Variants in INF2 observed in about 807,000 individuals in gnomAD.
INF2 encodes inverted formin-2.
In INF2, 43 loss-of-function variants were observed where a neutral mutation model predicts 123.5. That is an observed-to-expected ratio of 0.35 (90% CI 0.27 to 0.45). The LOEUF (loss-of-function observed/expected upper bound fraction) is 0.45. INF2 is among the 20% of genes least tolerant of loss of function. The pLI is 1.00. For missense variants in INF2, 1,453 were observed against 1,682.7 expected, an observed-to-expected ratio of 0.86 and a Z score of 2.39; for synonymous variants, 851 against 745.0, an observed-to-expected ratio of 1.14 and a Z score of -2.32.
Position 104,713,578 on chromosome 14 carries a change from C to T in INF2, c.3012C>T (p.Ser1004=), listed in dbSNP as rs776947258. 6.2e-7 allele frequency: 1 copy of T among 1,612,584 alleles called. No homozygotes were observed. The highest frequency in any genetic ancestry group is 8.5e-7 in the Non-Finnish European group (1 of 1,179,782). Residue 1004 remains serine (S), a synonymous_variant, in exon 20 of 23, where the codon TCC becomes TCT. Coordinates refer to ENST00000392634, the MANE Select transcript of INF2 (RefSeq NM_022489.4). ...CCGACGGGGGCAGCAAGGCAGCCTC[C>T]ATGGATCCCCCAAGAGCCACAGAGC... ...GDTDGGSKAA[S]MDPPRATEPV... is the part of the protein sequence containing the mutation.
At chr14:104,696,689 C>A (rs1042556413) in intron 1 of INF2, among the ~76,000 whole-genome samples, 3 of 152,086 alleles carry the variant, frequency 2.0e-5, no homozygotes, top group Non-Finnish European at 4.4e-5. Flanking sequence ...CGCGTGCAGT[C>A]CTGGAGATCC....
At position 104,721,541 on chromosome 14, in the gene INF2, CCTAA is replaced by C. The variant is rs756509223; in HGVS notation, c.*2751_*2754del. 1.0e-3 allele frequency: 161 copies of C among 153,798 alleles called. No homozygotes were observed. Among genetic ancestry groups the C allele is most frequent in the Non-Finnish European group, 5.7e-4 (39 of 68,992 alleles). 9.5% of individuals were successfully genotyped at this position (153,798 alleles called of 1,614,324 possible). ...TTATGTTTAACTTTTTAAGTAACTG[CCTAA>C]CTGTTTTCCAAAGCAGCTGCACCAT... On this transcript the variant is annotated 3_prime_UTR_variant, in exon 23 of 23. Transcript: ENST00000392634.
rs1205993225 is a variant in INF2 at position 104,711,195 on chromosome 14, T to C, written c.2418+9T>C. On this transcript the variant is annotated intron_variant, in intron 15 of 22. Coordinates refer to ENST00000392634, the MANE Select transcript of INF2 (RefSeq NM_022489.4). ...TGCACCACGTGCTGGAGGTGGGCCG[T>C]GGTGGCGGGGGCATAATGGGAGGGC... is the stretch of plus-strand genomic sequence containing the variant. The C allele has an allele frequency of 6.4e-7, 1 of 1,551,378 alleles. No individual in the cohort carries two copies. The highest frequency in any genetic ancestry group is 1.2e-5 in the South Asian group (1 of 84,316).
rs773186603 is a variant in INF2, at chr14:104,711,202, G to C, written c.2418+16G>C. Reference sequence around the variant, plus strand: ...CGTGCTGGAGGTGGGCCGTGGTGGCGGGGGCATAATGGGAGGGCTTCAAGT... The same window carrying C: ...CGTGCTGGAGGTGGGCCGTGGTGGCCGGGGCATAATGGGAGGGCTTCAAGT... On this transcript the variant is annotated intron_variant, in intron 15 of 22. Transcript: ENST00000392634. 10 of 1,546,288 alleles carry C rather than the reference G, an allele frequency of 6.5e-6. No individual in the cohort carries two copies. Among genetic ancestry groups the C allele is most frequent in the Non-Finnish European group, 8.7e-7 (1 of 1,144,092 alleles).
At chr14:104,715,437 C>A in intron 22 of INF2, 97 bp downstream of exon 22, 1 of 1,163,378 alleles carries the variant, frequency 8.6e-7, no homozygotes, top group Non-Finnish European at 1.3e-6. Flanking sequence ...ACTAACCTGG[C>A]TTCTCTCCAG....
Position 104,711,099 on chromosome 14 carries a change from C to A in INF2, c.2331C>A (p.Ala777=), listed in dbSNP as rs1293312025. Residue 777 remains alanine, a synonymous_variant, in exon 15 of 23, where the codon GCC becomes GCA. Transcript: ENST00000392634. ...FLNYGSHTGD[A]DGFKISTLLK... ...CCCAGGGCAGCCACACCGGTGACGC[C>A]GACGGCTTCAAGATCAGCACATTGC... is the stretch of plus-strand genomic sequence containing the variant. The A allele has an allele frequency of 1.9e-6, 3 of 1,592,544 alleles. No homozygotes were observed. Among genetic ancestry groups the A allele is most frequent in the Middle Eastern group, 3.3e-4 (2 of 6,052 alleles).
chr14:104,707,671 C>A lies in INF2; in HGVS notation c.1404C>A (p.Ala468=). The part of the protein sequence containing the change: ...PPPPPLPGLG[A]MAPPAPPLPP... ...CCCCACCCCTGCCAGGCCTGGGGGC[C>A]ATGGCCCCCCCAGCACCTCCTCTAC... Residue 468 remains alanine (A), a synonymous_variant, in exon 8 of 23, where the codon GCC becomes GCA. Coordinates refer to ENST00000392634, the MANE Select transcript of INF2 (RefSeq NM_022489.4). The A allele has an allele frequency of 1.0e-6, 1 of 990,064 alleles. No homozygotes were observed. The highest frequency in any genetic ancestry group is 1.5e-6 in the Non-Finnish European group (1 of 669,930). 61.3% of individuals were successfully genotyped at this position (990,064 alleles called of 1,614,324 possible).
At chr14:104,706,549 G>C (rs892367299) in intron 6 of INF2, among the ~76,000 whole-genome samples, 1 of 152,178 alleles carries the variant, frequency 6.6e-6, no homozygotes, top group African/African-American at 2.4e-5. Context: ...GGGCTAAGAG[G>C]CTGAATTCTC....
chr14:104,691,644 C>T (rs1023493500), intron 1 of INF2, among the ~76,000 whole-genome samples: 1 of 152,144 alleles, frequency 6.6e-6, no homozygotes, highest in Non-Finnish European at 1.5e-5. Context: ...GAGGGTGGTC[C>T]CCAGGGGCCA....
Position 104,714,796 on chromosome 14 carries a change from G to T in INF2, c.3634G>T (p.Gly1212Cys). 6.3e-7 allele frequency: 1 copy of T among 1,597,722 alleles called. No individual in the cohort carries two copies. Reference protein sequence around the residue: ...SGSGTLPRARGRASKGTGKRR... With the variant: ...SGSGTLPRARCRASKGTGKRR... ...GTCGGGCACACTCCCCAGGGCCCGG[G>T]GCCGGGCCTCAAAGGGGACCGGGAA... is the stretch of plus-strand genomic sequence containing the variant. Residue 1212 changes from glycine (G) to cysteine (C), a missense_variant, in exon 21 of 23, where the codon GGC (glycine) becomes TGC (cysteine). Around this residue, in one of 8 missense-constraint regions of INF2, gnomAD observed 344 missense variants for 333.1 expected, o/e 1.03. Coordinates refer to ENST00000392634, the MANE Select transcript of INF2 (RefSeq NM_022489.4).
At position 104,707,683 on chromosome 14, in the gene INF2, A is replaced by G; in HGVS notation, c.1416A>G (p.Pro472=). The G allele has an allele frequency of 2.8e-6, 1 of 357,496 alleles. No individual in the cohort carries two copies. Among genetic ancestry groups the G allele is most frequent in the Non-Finnish European group, 4.2e-6 (1 of 236,772 alleles). 22.1% of individuals were successfully genotyped at this position (357,496 alleles called of 1,614,324 possible). Reference sequence around the variant, plus strand: ...CAGGCCTGGGGGCCATGGCCCCCCCAGCACCTCCTCTACCACCACCCCTGC... The same window carrying G: ...CAGGCCTGGGGGCCATGGCCCCCCCGGCACCTCCTCTACCACCACCCCTGC... ...PLPGLGAMAP[P]APPLPPPLPG... is the part of the protein sequence containing the mutation. Residue 472 remains proline (P), a synonymous_variant, in exon 8 of 23, where the codon CCA becomes CCG. Transcript: ENST00000392634.
At chr14:104,717,930 A>G (rs202111433) in intron 22 of INF2, among the ~76,000 whole-genome samples, 2 of 151,140 alleles carry the variant, frequency 1.3e-5, no homozygotes, top group Admixed American at 1.3e-4. Flanking sequence ...GTAATCCTTC[A>G]CTGCCACTGC....
upstream of INF2, among the ~76,000 whole-genome samples, chr14:104,685,882 GATGA>G (rs1166525666): frequency 6.4e-5 from 8 of 124,480 alleles, no homozygotes; most frequent in East Asian, 1.9e-3. Context: ...TGGGTGGATG[GATGA>G]ATGAATGGGC....
chr14:104,707,308 A>G lies in INF2; in HGVS notation c.1041A>G (p.Arg347=), dbSNP rs1162735195. The G allele has an allele frequency of 1.9e-6, 3 of 1,606,760 alleles. No individual in the cohort carries two copies. Among genetic ancestry groups the G allele is most frequent in the Non-Finnish European group, 2.5e-6 (3 of 1,177,556 alleles). ...AGCGGCTCCTGTCTGTCAAGGGGCGACCCAGACCGAGCCCCCTGGTCAAGG... is the reference window on the plus strand; with the variant it reads ...AGCGGCTCCTGTCTGTCAAGGGGCGGCCCAGACCGAGCCCCCTGGTCAAGG... The part of the protein sequence containing the change: ...VVERLLSVKG[R]PRPSPLVKAH... The change falls in exon 8 of 23, where the codon CGA becomes CGG. Residue 347 remains arginine (R), a synonymous_variant. Transcript: ENST00000392634.
At chr14:104,697,554 A>C (rs1879329313) in intron 1 of INF2, among the ~76,000 whole-genome samples, 1 of 152,222 alleles carries the variant, frequency 6.6e-6, no homozygotes, top group African/African-American at 2.4e-5. Flanking sequence ...ACTCAGCTTG[A>C]CTGTTGACTG....
At position 104,722,292 on chromosome 14, in the gene INF2, C is replaced by T. The variant is rs1225960078; in HGVS notation, c.*3499C>T. The T allele has an allele frequency of 6.6e-6, 1 of 152,292 alleles. No individual in the cohort carries two copies. The highest frequency in any genetic ancestry group is 1.5e-5 in the Non-Finnish European group (1 of 68,090). The allele number at this position is 152,292 out of a possible 1,614,324, so 9.4% of individuals were successfully genotyped here. A position where few individuals can be genotyped will look rare whatever the true frequency, so the allele number is the denominator to read the frequency against. ...CCTGGAGAAGTCAGTGAGTCACTAGCGTTCGCCTCTGCAGGGTCAGTCCAA... is the reference window on the plus strand; with the variant it reads ...CCTGGAGAAGTCAGTGAGTCACTAGTGTTCGCCTCTGCAGGGTCAGTCCAA... On this transcript the variant is annotated 3_prime_UTR_variant, in exon 23 of 23. Transcript: ENST00000392634.
chr14:104,701,737 C>A lies in INF2; in HGVS notation c.372C>A (p.Tyr124Ter). ...GIEYILSNQGYVRQLSQALDT... is the reference protein window; with the variant it reads ...GIEYILSNQG ...AGTACATCCTCAGCAACCAGGGCTACGTGCGCCAGCTCTCCCAGGGTGAGC... is the reference window on the plus strand; with the variant it reads ...AGTACATCCTCAGCAACCAGGGCTAAGTGCGCCAGCTCTCCCAGGGTGAGC... Residue 124 changes from tyrosine to a stop codon, truncating the protein, a stop_gained, in exon 2 of 23, where the codon TAC becomes TAA. Transcript: ENST00000392634. LOFTEE classifies it high-confidence loss of function. The A allele has an allele frequency of 1.3e-6, 2 of 1,520,554 alleles. No individual in the cohort carries two copies. Among genetic ancestry groups the A allele is most frequent in the Non-Finnish European group, 1.8e-6 (2 of 1,132,886 alleles). The allele number at this position is 1,520,554 out of a possible 1,614,324, so 94.2% of individuals were successfully genotyped here. A position where few individuals can be genotyped will look rare whatever the true frequency, so the allele number is the denominator to read the frequency against.
At chr14:104,701,304 G>A (rs1406195287) in intron 1 of INF2, 53 bp from the exon 2 acceptor site, 3 of 1,526,698 alleles carry the variant, frequency 2.0e-6, no homozygotes, top group Non-Finnish European at 2.6e-6. Flanking sequence ...TGGTGGCCAG[G>A]AGGACAGCCC....
At chr14:104,712,738 G>A (rs1890111280) in intron 17 of INF2, 90 bp from the exon 18 acceptor site, 2 of 1,492,112 alleles carry the variant, frequency 1.3e-6, no homozygotes, top group Admixed American at 2.1e-5. Context: ...GCCTGTCCCT[G>A]TGGCCGTCAC....
Sources: gnomAD v4.1 joint callset for allele counts (sites outside exome capture counted in the v4.1 genomes callset) on GRCh38, gnomAD v4.1.1 for gene constraint, gnomAD v4.1.1 regional missense constraint, MANE v1.5 for transcripts, NCBI Gene and HGNC (gene_info 2026-07-23, HGNC 2026-07-21) for gene names.